Variants in ZNF83 observed in about 807,000 individuals in gnomAD.
ZNF83 encodes zinc finger protein 83.
For synonymous variants in ZNF83, 209 were observed against 213.0 expected, an observed-to-expected ratio of 0.98 and a Z score of 0.17; for missense variants, 552 against 629.9, an observed-to-expected ratio of 0.88 and a Z score of 1.32.
rs377641251 is a variant in ZNF83, at chr19:52,678,240, C to G, written c.-283+12203G>C. On this transcript the variant is annotated intron_variant, in intron 1 of 5. Coordinates refer to the ZNF83 transcript ENST00000594682. Reference sequence around the variant, plus strand: ...GGTCGAGGCAGGTAGATCACAAGATCAGTAGTTCAAGACCAGACTGGCCAA... The same window carrying G: ...GGTCGAGGCAGGTAGATCACAAGATGAGTAGTTCAAGACCAGACTGGCCAA... 1.7e-4 allele frequency among the ~76,000 whole-genome samples: 26 copies of G among 151,664 alleles called. 2 individuals carry two copies. The highest frequency in any genetic ancestry group is 1.1e-3 in the Admixed American group (16 of 15,224).
At chr19:52,644,149 T>C (rs1048084387) in intron 3 of ZNF83, among the ~76,000 whole-genome samples, 25 of 151,648 alleles carry the variant, frequency 1.6e-4, no homozygotes, top group Admixed American at 5.9e-4. Flanking sequence ...TCTCTGTGTC[T>C]GAGTCTACAA....
At chr19:52,676,219 G>C (rs2061802084) in intron 1 of ZNF83, among the ~76,000 whole-genome samples, 1 of 152,238 alleles carries the variant, frequency 6.6e-6, no homozygotes, top group Admixed American at 6.5e-5. Flanking sequence ...CTAACCGTGA[G>C]TGATCTGCCA....
At chr19:52,668,772 G>A (rs2061686211) in intron 1 of ZNF83, among the ~76,000 whole-genome samples, 1 of 152,222 alleles carries the variant, frequency 6.6e-6, no homozygotes, top group African/African-American at 2.4e-5. Flanking sequence ...TGGCAGGCCA[G>A]AGGCCCAGAT....
intron 2 of ZNF83, among the ~76,000 whole-genome samples, chr19:52,631,611 C>T (rs1600192368): frequency 6.6e-6 from 1 of 152,224 alleles, no homozygotes; most frequent in Non-Finnish European, 1.5e-5. Context: ...TTGTTCCTGG[C>T]CCGGACTTCA....
intron 1 of ZNF83, among the ~76,000 whole-genome samples, chr19:52,666,755 A>AG (rs1433214659): frequency 6.6e-6 from 1 of 152,174 alleles, no homozygotes; most frequent in Non-Finnish European, 1.5e-5. Flanking sequence ...GTTTTCTAAC[A>AG]GGGGGTCTAA....
At chr19:52,631,824 A>AGCCC (rs557562100) in intron 2 of ZNF83, among the ~76,000 whole-genome samples, 607 of 152,290 alleles carry the variant, frequency 4.0e-3, no homozygotes, top group Middle Eastern at 0.017. Flanking sequence ...ACAAGCCACT[A>AGCCC]GCCCGCCTCT....
At chr19:52,628,482 C>T (rs1252237220) in intron 2 of ZNF83, among the ~76,000 whole-genome samples, 2 of 152,140 alleles carry the variant, frequency 1.3e-5, no homozygotes, top group African/African-American at 4.8e-5. Context: ...ACAAAGGAGA[C>T]ACGTTTTATC....
intron 1 of ZNF83, among the ~76,000 whole-genome samples, chr19:52,685,261 C>T (rs544547844): frequency 5.3e-5 from 8 of 152,196 alleles, no homozygotes; most frequent in African/African-American, 1.9e-4. Flanking sequence ...TCACTGGGCT[C>T]AGAGCGGGGA....
At chr19:52,619,802 G>C (rs182730786) in intron 2 of ZNF83, among the ~76,000 whole-genome samples, 1 of 152,248 alleles carries the variant, frequency 6.6e-6, no homozygotes, top group Admixed American at 6.5e-5. Flanking sequence ...CCGGAGACTT[G>C]CTTGATCCTG....
chr19:52,650,581 T>C (rs2061430095), intron 3 of ZNF83: 1 of 152,154 alleles, frequency 6.6e-6, no homozygotes, highest in Non-Finnish European at 1.5e-5. Context: ...TCTAATAGAC[T>C]CAGGAGCTTC....
rs376209763 is a variant in ZNF83 at position 52,661,220 on chromosome 19, A to T, written c.-282-377T>A. Among the ~76,000 whole-genome samples, 41 of 152,274 alleles carry T rather than the reference A, an allele frequency of 2.7e-4. 1 individual carries two copies. In the South Asian group the frequency reaches 8.5e-3, roughly 32 times the overall value. ...TCCTGTGACAAAACATACACAGGGG[A>T]GACCTTACCCGGTATAAAGACTGTC... is the stretch of plus-strand genomic sequence containing the variant. On this transcript the variant is annotated intron_variant, in intron 1 of 5. Transcript: ENST00000594682.
At chr19:52,614,846 A>G in intron 2 of ZNF83, 49 bp from the exon 3 acceptor site, 1 of 1,239,280 alleles carries the variant, frequency 8.1e-7, no homozygotes, top group African/African-American at 1.6e-5. Context: ...CAGATAGTCA[A>G]TAAATATCTC....
chr19:52,642,903 T>C (rs911098786), upstream of ZNF83, among the ~76,000 whole-genome samples: 2 of 152,034 alleles, frequency 1.3e-5, no homozygotes, highest in Non-Finnish European at 2.9e-5. Context: ...ATGCCTATAA[T>C]ACTAGCACTC....
exon 3 of ZNF83, chr19:52,614,504 G>C (rs372439838): frequency 6.2e-6 from 10 of 1,605,644 alleles, no homozygotes; most frequent in Non-Finnish European, 7.7e-6. Context: ...TGTGACTGCG[G>C]GTTTAATCCA....
intron 1 of ZNF83, among the ~76,000 whole-genome samples, chr19:52,683,564 T>C (rs997107412): frequency 8.8e-5 from 13 of 147,552 alleles, no homozygotes; most frequent in Non-Finnish European, 1.6e-4. Flanking sequence ...CCAAACTGGG[T>C]CCTGGTGATG....
chr19:52,676,332 A>G (rs1258108628), intron 1 of ZNF83, among the ~76,000 whole-genome samples: 1 of 151,970 alleles, frequency 6.6e-6, no homozygotes, highest in South Asian at 2.1e-4. Flanking sequence ...GGCTCACTAC[A>G]ACCTCCACCT....
In ZNF83 at chr19:52,672,542, G is replaced by C. The variant is rs570100086; in HGVS notation, c.-282-11699C>G. 9.8e-5 allele frequency among the ~76,000 whole-genome samples: 15 copies of C among 152,346 alleles called. No individual in the cohort carries two copies. The East Asian group carries it at 2.5e-3, about 25-fold the overall frequency. ...GCAGGAGGATGGCTAGTGCCCAACA[G>C]TTGGAGTCCAGCCTAGGCAACATAG... On this transcript the variant is annotated intron_variant, in intron 1 of 5. Transcript: ENST00000594682.
intron 1 of ZNF83, among the ~76,000 whole-genome samples, chr19:52,682,684 AAAAAGAAAAAGAAAAAGAAAAAGAAAAAG>A (rs1003659048): frequency 3.1e-4 from 3 of 9,566 alleles, no homozygotes; most frequent in African/African-American, 1.0e-3. Flanking sequence ...CAAGAAAAAG[AAAAAGAAAAAGAAAAAGAAAAAGAAAAAG>A]AAAAGATGTA....
At chr19:52,682,131 C>A (rs570236076) in intron 1 of ZNF83, among the ~76,000 whole-genome samples, 4 of 152,214 alleles carry the variant, frequency 2.6e-5, no homozygotes, top group African/African-American at 7.2e-5. Flanking sequence ...CGGGCATGAG[C>A]CACCGTGCCT....
Sources: allele counts gnomAD v4.1 joint callset (sites outside exome capture counted in the v4.1 genomes callset), GRCh38; gene constraint gnomAD v4.1.1; transcripts MANE v1.5; gene names NCBI Gene and HGNC (gene_info 2026-07-23, HGNC 2026-07-21).